The following GABRA3 variants were observed in gnomAD, a reference collection of about 807,000 sequenced individuals.
GABRA3 encodes the protein gamma-aminobutyric acid receptor subunit alpha-3.
Under a neutral mutation model 30.1 loss-of-function variants are expected in GABRA3, and 10 were observed. The observed-to-expected ratio is 0.33, with a 90% CI of 0.20 to 0.56. The LOEUF (loss-of-function observed/expected upper bound fraction) is 0.56. Ranked by LOEUF, GABRA3 falls within the 20% of genes least tolerant of loss-of-function variation. GABRA3 has a pLI of 0.89. For missense variants in GABRA3, 233 were observed against 392.0 expected, an observed-to-expected ratio of 0.59 and a Z score of 3.42; for synonymous variants, 151 against 146.8, an observed-to-expected ratio of 1.03 and a Z score of -0.21.
At chrX:152,248,019 G>A (rs943375207) in intron 5 of GABRA3, among the ~76,000 whole-genome samples, 17 of 110,388 alleles carry the variant, frequency 1.5e-4, no homozygotes, top group African/African-American at 5.6e-4. Flanking sequence ...CTTTTTCCTC[G>A]ATACCCTATA....
At chrX:152,391,751 A>T (rs1929490997) in intron 1 of GABRA3, among the ~76,000 whole-genome samples, 1 of 111,653 alleles carries the variant, frequency 9.0e-6, no homozygotes, top group African/African-American at 3.3e-5. Flanking sequence ...CAAAAGGAAA[A>T]ACCAAGGTAT....
At chrX:152,198,685 G>A (rs577650308) in intron 7 of GABRA3, among the ~76,000 whole-genome samples, 3 of 111,570 alleles carry the variant, frequency 2.7e-5, no homozygotes, top group African/African-American at 9.8e-5. Flanking sequence ...CTCCTTTCCT[G>A]TTCCTTTTAA....
chrX:152,412,997 T>C (rs142347254), intron 1 of GABRA3, among the ~76,000 whole-genome samples: 102 of 111,345 alleles, frequency 9.2e-4, no homozygotes, highest in African/African-American at 3.2e-3. Context: ...CACGACTCTA[T>C]GAAACCAAGA....
At chrX:152,200,803 G>C (rs1937473553) in intron 7 of GABRA3, among the ~76,000 whole-genome samples, 1 of 112,274 alleles carries the variant, frequency 8.9e-6, no homozygotes, top group Non-Finnish European at 1.9e-5. Context: ...CTTTTCAAAA[G>C]AGTACCAAAT....
chrX:152,231,774 T>TA (rs765870951), intron 5 of GABRA3, among the ~76,000 whole-genome samples: 1 of 111,873 alleles, frequency 8.9e-6, no homozygotes, highest in South Asian at 3.7e-4. Flanking sequence ...AAATGTCCAT[T>TA]ATTGTGACTG....
chrX:152,406,701 A>G (rs930463637), intron 1 of GABRA3, among the ~76,000 whole-genome samples: 3 of 109,741 alleles, frequency 2.7e-5, no homozygotes, highest in Non-Finnish European at 5.7e-5. Flanking sequence ...GATCGTCCAG[A>G]CAGAAAATCA....
rs186977156 is a variant in GABRA3 at position 152,330,053 on chromosome X, C to T, written c.262+15528G>A. 1.1e-3 allele frequency among the ~76,000 whole-genome samples: 125 copies of T among 112,049 alleles called. 1 individual carries two copies. Among genetic ancestry groups the T allele is most frequent in the African/African-American group, 3.9e-3 (121 of 30,772 alleles). On this transcript the variant is annotated intron_variant, in intron 3 of 9. Coordinates refer to ENST00000370314, the MANE Select transcript of GABRA3 (RefSeq NM_000808.4). ...AGTGGGCAAAGGATATGAACATACA[C>T]TTCTCAAAAGAATACATTAATACAA...
chrX:152,278,143 T>C (rs5970254), intron 4 of GABRA3, among the ~76,000 whole-genome samples: 5,444 of 111,384 alleles, frequency 0.049, 279 homozygotes, highest in African/African-American at 0.14. Context: ...AGTTTTAGGG[T>C]ACATGTGCAC....
chrX:152,329,436 A>G (rs1382390824), intron 3 of GABRA3, among the ~76,000 whole-genome samples: 1 of 111,910 alleles, frequency 8.9e-6, no homozygotes, highest in Non-Finnish European at 1.9e-5. Context: ...ATGCTACCCG[A>G]CTTCAAATTA....
intron 5 of GABRA3, among the ~76,000 whole-genome samples, chrX:152,237,243 T>C (rs1221295186): frequency 1.6e-4 from 18 of 111,143 alleles, no homozygotes; most frequent in Non-Finnish European, 1.1e-4. Context: ...CACCATTTAT[T>C]AAATAGGGAA....
At chrX:152,419,399 AAAC>A (rs758976507) in intron 1 of GABRA3, among the ~76,000 whole-genome samples, 1 of 111,921 alleles carries the variant, frequency 8.9e-6, no homozygotes, top group Admixed American at 9.5e-5. Context: ...GAAAATAACC[AAAC>A]AACTACTGTT....
chrX:152,348,140 A>C (rs1940419267), intron 2 of GABRA3, among the ~76,000 whole-genome samples: 1 of 112,029 alleles, frequency 8.9e-6, no homozygotes, highest in African/African-American at 3.2e-5. Context: ...AGCAGATTTA[A>C]TCTGCGACCT....
chrX:152,225,432 G>GCGCGCACA (rs35196156), intron 5 of GABRA3, among the ~76,000 whole-genome samples: 30 of 96,517 alleles, frequency 3.1e-4, no homozygotes, highest in East Asian at 1.0e-3. Flanking sequence ...ACACACACAC[G>GCGCGCACA]CACACACACA....
intron 2 of GABRA3, among the ~76,000 whole-genome samples, chrX:152,357,319 C>A (rs544261323): frequency 9.0e-6 from 1 of 111,649 alleles, no homozygotes; most frequent in Non-Finnish European, 1.9e-5. Flanking sequence ...AATAGCCATT[C>A]GGACTGATAT....
At position 152,364,550 on chromosome X, in the gene GABRA3, A is replaced by G; in HGVS notation, c.21T>C (p.Ser7=). The G allele has an allele frequency of 8.3e-7, 1 of 1,207,656 alleles. No individual in the cohort carries two copies. Among genetic ancestry groups the G allele is most frequent in the Non-Finnish European group, 1.1e-6 (1 of 893,328 alleles). The part of the protein sequence containing the change: MIITQT[S]HCYMTSLGIL... Reference sequence around the variant, plus strand: ...TCCCAAGGCTGGTCATGTAACAGTGACTTGTTTGTGTGATTATCATCTTCT... The same window carrying G: ...TCCCAAGGCTGGTCATGTAACAGTGGCTTGTTTGTGTGATTATCATCTTCT... Residue 7 remains serine (S), a synonymous_variant, in exon 2 of 10, where the codon AGT becomes AGC. Coordinates refer to ENST00000370314, the MANE Select transcript of GABRA3 (RefSeq NM_000808.4).
At chrX:152,329,065 G>A (rs1940117683) in intron 3 of GABRA3, among the ~76,000 whole-genome samples, 1 of 111,364 alleles carries the variant, frequency 9.0e-6, no homozygotes, top group African/African-American at 3.3e-5. Context: ...AACGGACAGA[G>A]AGCCACATCA....
Position 152,422,442 on chromosome X carries a change from G to C in GABRA3, c.-27+28704C>G, listed in dbSNP as rs918134811. 8.1e-5 allele frequency among the ~76,000 whole-genome samples: 9 copies of C among 110,640 alleles called. No homozygotes were observed. The South Asian group carries it at 3.4e-3, about 42-fold the overall frequency. On this transcript the variant is annotated intron_variant, in intron 1 of 9. Coordinates refer to ENST00000370314, the MANE Select transcript of GABRA3 (RefSeq NM_000808.4). ...AGAAAGACATAAAGAGATGGTTCTG[G>C]TGTGTTAATTTTTTTTTTATTTTCT... is the stretch of plus-strand genomic sequence containing the variant.
rs140492250 is a variant in GABRA3, at chrX:152,337,401, T to C, written c.262+8180A>G. Among the ~76,000 whole-genome samples the C allele has an allele frequency of 4.2e-3, 467 of 111,626 alleles. 3 individuals carry two copies. Among genetic ancestry groups the C allele is most frequent in the Non-Finnish European group, 6.5e-3 (346 of 53,111 alleles). On this transcript the variant is annotated intron_variant, in intron 3 of 9. Transcript: ENST00000370314. ...CAGCCTCTAGTAACCACCAATCTAC[T>C]CTCTAACTCCATGGGATCCACTATT...
chrX:152,207,814 G>A (rs908942668), intron 7 of GABRA3, among the ~76,000 whole-genome samples, 187 bp downstream of exon 7: 8 of 111,832 alleles, frequency 7.2e-5, no homozygotes, highest in African/African-American at 2.6e-4. Context: ...GTTCATTTTC[G>A]TTTTGCCATT....
Sources: gnomAD v4.1 joint callset for allele counts (sites outside exome capture counted in the v4.1 genomes callset) on GRCh38, gnomAD v4.1.1 for gene constraint, MANE v1.5 for transcripts, NCBI Gene and HGNC (gene_info 2026-07-23, HGNC 2026-07-21) for gene names.